The following PDE4D variants were observed in gnomAD, a reference collection of about 807,000 sequenced individuals.
PDE4D encodes 3',5'-cyclic-AMP phosphodiesterase 4D.
In PDE4D, 24 loss-of-function variants were observed where a neutral mutation model predicts 87.4. The ratio of observed to expected loss-of-function variants is 0.27; its 90% CI spans 0.20 to 0.39. The LOEUF (loss-of-function observed/expected upper bound fraction) is 0.39. Ranked by LOEUF, PDE4D falls within the 10% of genes least tolerant of loss-of-function variation. The pLI, the probability that PDE4D is intolerant of heterozygous loss-of-function variation, is 1.00. For missense variants in PDE4D, 714 were observed against 1,041.0 expected (o/e 0.69, Z 4.32); for synonymous variants, 384 against 383.2 (o/e 1.00, Z -0.02).
At chr5:59,593,079 C>T (rs1467886022) in intron 1 of PDE4D, among the ~76,000 whole-genome samples, 1 of 151,048 alleles carries the variant, frequency 6.6e-6, no homozygotes, top group Non-Finnish European at 1.5e-5. Flanking sequence ...ATTTGTTTTG[C>T]AATTTACTGG....
intron 2 of PDE4D, among the ~76,000 whole-genome samples, chr5:60,011,788 G>A (rs1765042480): frequency 6.6e-6 from 1 of 152,080 alleles, no homozygotes; most frequent in African/African-American, 2.4e-5. Flanking sequence ...TGGAGACCCT[G>A]TTTCCTAATT....
intron 1 of PDE4D, among the ~76,000 whole-genome samples, chr5:59,461,921 A>G (rs294474): frequency 0.25 from 38,181 of 152,042 alleles, 5,596 homozygotes; most frequent in Middle Eastern, 0.36. Flanking sequence ...ATGCAATAAT[A>G]GATTTAATGT....
intron 1 of PDE4D, among the ~76,000 whole-genome samples, chr5:59,345,069 C>A (rs1247968307): frequency 6.6e-6 from 1 of 151,608 alleles, no homozygotes; most frequent in Non-Finnish European, 1.5e-5. Context: ...GGAATCTTAA[C>A]ATTAAAAAGA....
chr5:59,676,144 T>C (rs933754375), intron 1 of PDE4D, among the ~76,000 whole-genome samples: 2 of 152,088 alleles, frequency 1.3e-5, no homozygotes, highest in Admixed American at 6.6e-5. Flanking sequence ...CATGCACTTT[T>C]GTGAAATAGA....
chr5:59,290,965 CT>C (rs1258700766), intron 1 of PDE4D, among the ~76,000 whole-genome samples: 9 of 151,978 alleles, frequency 5.9e-5, no homozygotes, highest in Admixed American at 5.9e-4. Context: ...AAAGGGAACC[CT>C]GGTACACTTT....
Position 58,969,914 on chromosome 5 carries a change from A to G in PDE4D, c.*4750T>C, listed in dbSNP as rs1348696524. 6.6e-6 allele frequency: 1 copy of G among 152,182 alleles called. No homozygotes were observed. Among genetic ancestry groups the G allele is most frequent in the Non-Finnish European group, 1.5e-5 (1 of 68,036 alleles). 9.4% of individuals were successfully genotyped at this position (152,182 alleles called of 1,614,324 possible). ...TTTTGGTAATTTTTAATGTAGCAAAATTACTCAAGTTGGCTTTATTTGGTT... is the reference window on the plus strand; with the variant it reads ...TTTTGGTAATTTTTAATGTAGCAAAGTTACTCAAGTTGGCTTTATTTGGTT... On this transcript the variant is annotated 3_prime_UTR_variant, in exon 15 of 15. Transcript: ENST00000340635.
At chr5:60,082,542 A>G (rs1221410257) in intron 2 of PDE4D, among the ~76,000 whole-genome samples, 1 of 152,194 alleles carries the variant, frequency 6.6e-6, no homozygotes, top group Non-Finnish European at 1.5e-5. Flanking sequence ...TGTCTTACTG[A>G]ATGACTACTC....
chr5:60,426,467 G>A (rs1286726398), intron 1 of PDE4D, among the ~76,000 whole-genome samples: 1 of 152,108 alleles, frequency 6.6e-6, no homozygotes, highest in Non-Finnish European at 1.5e-5. Context: ...ACTCATAGGT[G>A]GGAATTGAAC....
At chr5:60,013,139 C>T (rs1765175477) in intron 2 of PDE4D, among the ~76,000 whole-genome samples, 1 of 152,050 alleles carries the variant, frequency 6.6e-6, no homozygotes, top group African/African-American at 2.4e-5. Context: ...TTTTTGGACC[C>T]CGTATAATCC....
At chr5:59,244,834 G>A (rs1268307806) in intron 1 of PDE4D, among the ~76,000 whole-genome samples, 2 of 150,286 alleles carry the variant, frequency 1.3e-5, no homozygotes, top group African/African-American at 4.9e-5. Context: ...GGGTATGTGT[G>A]TATATGCTTT....
intron 1 of PDE4D, among the ~76,000 whole-genome samples, chr5:60,498,165 T>C (rs1009933621): frequency 4.7e-5 from 6 of 126,454 alleles, no homozygotes; most frequent in South Asian, 3.1e-4. Context: ...GACACACACA[T>C]GCACACACAC....
intron 1 of PDE4D, among the ~76,000 whole-genome samples, chr5:59,887,037 GA>G (rs1317626840): frequency 3.3e-5 from 5 of 152,096 alleles, no homozygotes; most frequent in African/African-American, 1.2e-4. Context: ...AAGTGGCAAG[GA>G]AAAAACACAA....
chr5:59,937,132 T>C (rs181342856), intron 3 of PDE4D, among the ~76,000 whole-genome samples: 2 of 152,178 alleles, frequency 1.3e-5, no homozygotes, highest in East Asian at 1.9e-4. Context: ...CATTTACAGA[T>C]AGGAAAATGG....
chr5:59,231,171 A>G (rs934169068), intron 1 of PDE4D, among the ~76,000 whole-genome samples: 8 of 152,232 alleles, frequency 5.3e-5, no homozygotes, highest in Non-Finnish European at 1.2e-4. Flanking sequence ...GATTTTATAG[A>G]GTGAAGAAAC....
chr5:60,325,635 A>C (rs1211839775), intron 1 of PDE4D, among the ~76,000 whole-genome samples: 2 of 152,104 alleles, frequency 1.3e-5, no homozygotes, highest in African/African-American at 4.8e-5. Flanking sequence ...ATAATTGTAG[A>C]TTCACATGCA....
intron 1 of PDE4D, among the ~76,000 whole-genome samples, chr5:59,840,519 G>T (rs1742825785): frequency 6.6e-6 from 1 of 152,058 alleles, no homozygotes; most frequent in Non-Finnish European, 1.5e-5. Context: ...TAAATGAAGA[G>T]AGTATGTCTG....
intron 1 of PDE4D, among the ~76,000 whole-genome samples, chr5:59,350,161 G>C (rs1780280125): frequency 6.6e-6 from 1 of 152,146 alleles, no homozygotes; most frequent in African/African-American, 2.4e-5. Context: ...ACTTGGATAA[G>C]TCTTTCTCTT....
intron 1 of PDE4D, among the ~76,000 whole-genome samples, chr5:59,284,126 C>T (rs1369848994): frequency 1.3e-5 from 2 of 152,150 alleles, no homozygotes; most frequent in Admixed American, 6.5e-5. Flanking sequence ...TCTTTTACCC[C>T]TCTTTTTGAT....
intron 1 of PDE4D, among the ~76,000 whole-genome samples, chr5:59,544,750 C>T (rs1393985528): frequency 6.6e-6 from 1 of 152,132 alleles, no homozygotes; most frequent in Non-Finnish European, 1.5e-5. Flanking sequence ...AGTGTTTTTA[C>T]AAATGTCATA....
Sources: allele counts gnomAD v4.1 joint callset (sites outside exome capture counted in the v4.1 genomes callset), GRCh38; gene constraint gnomAD v4.1.1; transcripts MANE v1.5; gene names NCBI Gene and HGNC (gene_info 2026-07-23, HGNC 2026-07-21).